Variants in FBXL17 observed in about 807,000 individuals in gnomAD.
FBXL17 encodes the protein F-box and leucine rich repeat protein 17.
A neutral mutation model predicts 66.2 loss-of-function variants in FBXL17; 22 were observed. That is an observed-to-expected ratio of 0.33 (90% CI 0.24 to 0.47). The LOEUF (loss-of-function observed/expected upper bound fraction) is 0.47, where lower values mean the gene tolerates loss of function less well. FBXL17 is among the 20% of genes least tolerant of loss of function. The probability of loss-of-function intolerance (pLI) is 1.00; values close to 1 mark genes in which losing one functional copy is unlikely to be tolerated. For missense variants in FBXL17, 878 were observed against 948.2 expected (o/e 0.93, Z 0.97); for synonymous variants, 474 against 400.5 (o/e 1.18, Z -2.19).
At chr5:108,058,141 T>A (rs1229705234) in intron 6 of FBXL17, among the ~76,000 whole-genome samples, 1 of 152,212 alleles carries the variant, frequency 6.6e-6, no homozygotes, top group East Asian at 1.9e-4. Context: ...GTAATGGTAA[T>A]CTGTTAAGTA....
chr5:108,037,898 G>C (rs1272120604), intron 6 of FBXL17, among the ~76,000 whole-genome samples: 1 of 152,034 alleles, frequency 6.6e-6, no homozygotes, highest in African/African-American at 2.4e-5. Context: ...CATCTATGTA[G>C]TATCTTGCCC....
In FBXL17 at chr5:107,880,712, A is replaced by G; in HGVS notation, c.1965+325T>C. On this transcript the variant is annotated intron_variant, in intron 8 of 8. Transcript: ENST00000542267. ...ACAATTTTACGGTTAGACCCTGCAA[A>G]TTGCAGTTTGTCATGTAATCTTTTA... 4 of 1,279,692 alleles carry G rather than the reference A, an allele frequency of 3.1e-6. No individual in the cohort carries two copies. In the South Asian group the frequency reaches 8.9e-5, roughly 28 times the overall value. The allele number at this position is 1,279,692 out of a possible 1,614,324, so 79.3% of individuals were successfully genotyped here. A position where few individuals can be genotyped will look rare whatever the true frequency, so the allele number is the denominator to read the frequency against.
At chr5:108,061,436 G>C (rs286756) in intron 6 of FBXL17, among the ~76,000 whole-genome samples, 9,166 of 152,088 alleles carry the variant, frequency 0.06, 966 homozygotes, top group African/African-American at 0.21. Context: ...TGAGCACAAG[G>C]CTCATTTCCA....
At chr5:108,235,546 C>T (rs986781991) in intron 4 of FBXL17, among the ~76,000 whole-genome samples, 11 of 152,158 alleles carry the variant, frequency 7.2e-5, no homozygotes, top group Non-Finnish European at 1.6e-4. Flanking sequence ...ATCTATTTTC[C>T]ACTCATCAAG....
intron 6 of FBXL17, among the ~76,000 whole-genome samples, chr5:108,054,434 A>C (rs1309064079): frequency 1.3e-5 from 2 of 151,386 alleles, no homozygotes; most frequent in African/African-American, 2.4e-5. Context: ...ATAGAGCCTG[A>C]CTCCTCACAG....
chr5:108,316,915 G>A (rs1284451738), intron 4 of FBXL17, among the ~76,000 whole-genome samples: 1 of 150,654 alleles, frequency 6.6e-6, no homozygotes, highest in Non-Finnish European at 1.5e-5. Flanking sequence ...TTTTAACATC[G>A]AACCAATAAA....
At chr5:107,897,063 G>A (rs1353691897) in intron 7 of FBXL17, among the ~76,000 whole-genome samples, 2 of 152,052 alleles carry the variant, frequency 1.3e-5, no homozygotes, top group Admixed American at 6.6e-5. Context: ...AAGATGGTTT[G>A]ATAATTTTAG....
At chr5:108,001,203 G>T (rs577234031) in intron 7 of FBXL17, among the ~76,000 whole-genome samples, 1 of 152,208 alleles carries the variant, frequency 6.6e-6, no homozygotes, top group African/African-American at 2.4e-5. Flanking sequence ...ACATATATAT[G>T]TAAAACACCT....
At chr5:107,952,674 G>A (rs1403023981) in intron 7 of FBXL17, among the ~76,000 whole-genome samples, 1 of 152,162 alleles carries the variant, frequency 6.6e-6, no homozygotes, top group Non-Finnish European at 1.5e-5. Context: ...CCAAAATGTA[G>A]ACCTGGAGTA....
At position 107,936,126 on chromosome 5, in the gene FBXL17, T is replaced by C. The variant is rs200036347; in HGVS notation, c.1823-54947A>G. On this transcript the variant is annotated intron_variant, in intron 7 of 8. Transcript: ENST00000542267. Reference sequence around the variant, plus strand: ...CTTCCTTGTGTTATTACTAGGAGTATGGTATCCATTTTTCTAAAGTTGTAT... The same window carrying C: ...CTTCCTTGTGTTATTACTAGGAGTACGGTATCCATTTTTCTAAAGTTGTAT... Among the ~76,000 whole-genome samples the C allele has an allele frequency of 6.1e-5, 9 of 148,394 alleles. No homozygotes were observed. The East Asian group carries it at 1.4e-3, about 23-fold the overall frequency.
At chr5:108,154,800 A>C (rs1751933205) in intron 6 of FBXL17, among the ~76,000 whole-genome samples, 1 of 151,226 alleles carries the variant, frequency 6.6e-6, no homozygotes, top group Admixed American at 6.6e-5. Flanking sequence ...AGACCCAGCC[A>C]ACCATTACCC....
chr5:108,365,311 A>C (rs1212343727), intron 2 of FBXL17, among the ~76,000 whole-genome samples: 1 of 152,074 alleles, frequency 6.6e-6, no homozygotes, highest in African/African-American at 2.4e-5. Flanking sequence ...GAAGTGACTT[A>C]GAGTGGGGCG....
intron 6 of FBXL17, among the ~76,000 whole-genome samples, chr5:108,165,213 T>C (rs1469997733): frequency 6.6e-6 from 1 of 152,234 alleles, no homozygotes; most frequent in Non-Finnish European, 1.5e-5. Context: ...GGTATAGTTC[T>C]ATAGTTATTA....
intron 7 of FBXL17, among the ~76,000 whole-genome samples, chr5:107,923,851 C>A (rs1208972372): frequency 6.6e-6 from 1 of 152,024 alleles, no homozygotes; most frequent in African/African-American, 2.4e-5. Context: ...CCAGACAATT[C>A]TTTTCCTCCA....
At chr5:108,126,869 G>A (rs1035039419) in intron 6 of FBXL17, among the ~76,000 whole-genome samples, 1 of 151,646 alleles carries the variant, frequency 6.6e-6, no homozygotes, top group East Asian at 1.9e-4. Flanking sequence ...ATGCCATTGA[G>A]AGTCAAAAGA....
intron 4 of FBXL17, among the ~76,000 whole-genome samples, chr5:108,242,349 T>G (rs943872398): frequency 6.8e-6 from 1 of 146,810 alleles, no homozygotes; most frequent in Admixed American, 6.9e-5. Flanking sequence ...GCCTGGCTAG[T>G]TTGTTGTTGT....
In FBXL17 at chr5:108,381,408, G is replaced by T; in HGVS notation, c.284C>A (p.Ser95Tyr). The T allele has an allele frequency of 7.5e-7, 1 of 1,325,898 alleles. No individual in the cohort carries two copies. The highest frequency in any genetic ancestry group is 9.6e-7 in the Non-Finnish European group (1 of 1,046,976). 82.1% of individuals were successfully genotyped at this position (1,325,898 alleles called of 1,614,324 possible). Residue 95 changes from serine (S) to tyrosine (Y), a missense_variant, in exon 1 of 9, where the codon TCC becomes TAC. Physicochemically the swap from Ser to Tyr is moderately radical, Grantham distance 144. Around this residue, in one of 4 missense-constraint regions of FBXL17, gnomAD observed 605 missense variants for 509.5 expected, o/e 1.19. Coordinates refer to ENST00000542267, the MANE Select transcript of FBXL17 (RefSeq NM_001163315.3). Reference sequence around the variant, plus strand: ...GCGCCGCGCCAGGTGCTGAGAGGAGGAGGCGGCAGCGTAGGCCCCGTCCCG... The same window carrying T: ...GCGCCGCGCCAGGTGCTGAGAGGAGTAGGCGGCAGCGTAGGCCCCGTCCCG... ...PPRDGAYAAA[S>Y]SSQHLARRYA...
At chr5:107,906,885 T>A (rs1002623864) in intron 7 of FBXL17, among the ~76,000 whole-genome samples, 4 of 152,210 alleles carry the variant, frequency 2.6e-5, no homozygotes, top group Non-Finnish European at 5.9e-5. Flanking sequence ...ATAATACTAC[T>A]GTTACATTAA....
At chr5:108,342,601 T>C (rs1448259314) in intron 4 of FBXL17, among the ~76,000 whole-genome samples, 5 of 152,186 alleles carry the variant, frequency 3.3e-5, no homozygotes, top group South Asian at 2.1e-4. Context: ...AATGTATCCA[T>C]GCAATCCAAA....
Sources: gnomAD v4.1 joint callset for allele counts (sites outside exome capture counted in the v4.1 genomes callset) on GRCh38, gnomAD v4.1.1 for gene constraint, gnomAD v4.1.1 regional missense constraint, MANE v1.5 for transcripts, NCBI Gene and HGNC (gene_info 2026-07-23, HGNC 2026-07-21) for gene names.